Variants in WNK4 observed in about 807,000 individuals in gnomAD.
WNK4 encodes the protein serine/threonine-protein kinase WNK4.
WNK4 carries 94 observed loss-of-function variants against 116.2 expected under a neutral mutation model. The observed-to-expected ratio is 0.81, with a 90% CI of 0.68 to 0.96. WNK4 has a LOEUF of 0.96. Among genes scored for constraint, WNK4 ranks in the 40% least tolerant of loss-of-function variants. WNK4 has a pLI of 0.00. For missense variants in WNK4, 1,542 were observed against 1,650.6 expected (o/e 0.93, Z 1.14); for synonymous variants, 655 against 672.7 (o/e 0.97, Z 0.41).
chr17:42,788,306 G>T lies in WNK4; in HGVS notation c.1939G>T (p.Ala647Ser), dbSNP rs766917636. The T allele has an allele frequency of 2.5e-6, 4 of 1,614,166 alleles. No homozygotes were observed. The highest frequency in any genetic ancestry group is 3.4e-6 in the Non-Finnish European group (4 of 1,180,034). ...CTTTAACAGCTATGCCTCAGATGCA[G>T]CTTCAGGCCTTAGCGATGTGGGAGA... ...SPGDSYASDA[A>S]SGLSDVGEGM... The change falls in exon 10 of 19, where the codon GCT (alanine) becomes TCT (serine). Residue 647 changes from alanine to serine, a missense_variant. Ala to Ser is a moderately conservative substitution (Grantham distance 99). Coordinates refer to ENST00000246914, the MANE Select transcript of WNK4 (RefSeq NM_032387.5).
intron 6 of WNK4, among the ~76,000 whole-genome samples, chr17:42,786,266 C>T (rs1214435513): frequency 6.6e-6 from 1 of 152,198 alleles, no homozygotes; most frequent in East Asian, 1.9e-4. Flanking sequence ...ACCTCCTTTA[C>T]TCATTCAGCA....
At chr17:42,785,009 G>T in intron 4 of WNK4, 88 bp from the exon 5 acceptor site, 1 of 1,371,054 alleles carries the variant, frequency 7.3e-7, no homozygotes, top group Non-Finnish European at 1.0e-6. Flanking sequence ...AGCTGCCTAA[G>T]GAGGGAGTGG....
At position 42,781,193 on chromosome 17, in the gene WNK4, G is replaced by A. The variant is rs2143987369; in HGVS notation, c.495G>A (p.Val165=). The A allele has an allele frequency of 6.2e-7, 1 of 1,614,200 alleles. No homozygotes were observed. Residue 165 remains valine (V), a synonymous_variant, in exon 1 of 19, where the codon GTG becomes GTA. Transcript: ENST00000246914. ...AGGAGGACATGGAGACCCAGGCTGTGGCAACGTCCCCCGATGGCCGATACC... is the reference window on the plus strand; with the variant it reads ...AGGAGGACATGGAGACCCAGGCTGTAGCAACGTCCCCCGATGGCCGATACC... ...EEKEDMETQA[V]ATSPDGRYLK... is the part of the protein sequence containing the mutation.
In WNK4 at chr17:42,782,337, C is replaced by A. The variant is rs780260476; in HGVS notation, c.619-421C>A. On this transcript the variant is annotated intron_variant, in intron 1 of 18. Transcript: ENST00000246914. This position sits in a 1 kb window ranked among gnomAD's most constrained non-coding sequence, Gnocchi z 4.2. ...CGCCTTCCGTCTGGATCTAGCAGTTCTGTTTCTGGGGCCAACCCCCTTGCC... is the reference window on the plus strand; with the variant it reads ...CGCCTTCCGTCTGGATCTAGCAGTTATGTTTCTGGGGCCAACCCCCTTGCC... Among the ~76,000 whole-genome samples, 2 of 152,222 alleles carry A rather than the reference C, an allele frequency of 1.3e-5. No homozygotes were observed. Among genetic ancestry groups the A allele is most frequent in the Non-Finnish European group, 2.9e-5 (2 of 68,026 alleles).
chr17:42,787,852 G>C lies in WNK4; in HGVS notation c.1816G>C (p.Gly606Arg), dbSNP rs1280233440. The change falls in exon 8 of 19, where the codon GGG becomes CGG. Residue 606 changes from glycine (G) to arginine (R), a missense_variant. By Grantham distance (125) the Gly-to-Arg change is moderately radical (BLOSUM62 -2). Transcript: ENST00000246914. ...DASDPALQPP[G>R]GVPSSLAESH... ...CTCAGACCCTGCCCTTCAGCCCCCT[G>C]GGGGGGTGCCATCCAGCCTGGCTGA... 2 of 1,610,478 alleles carry C rather than the reference G, an allele frequency of 1.2e-6. No homozygotes were observed. The highest frequency in any genetic ancestry group is 2.2e-5 in the East Asian group (1 of 44,868).
intron 6 of WNK4, among the ~76,000 whole-genome samples, chr17:42,785,890 C>T (rs2054544620): frequency 6.6e-6 from 1 of 152,156 alleles, no homozygotes; most frequent in Admixed American, 6.5e-5. Context: ...AGCATGTTCT[C>T]GGTTACAGCA....
At chr17:42,786,459 C>T (rs1385829429) in intron 6 of WNK4, among the ~76,000 whole-genome samples, 1 of 152,178 alleles carries the variant, frequency 6.6e-6, no homozygotes, top group African/African-American at 2.4e-5. Flanking sequence ...GTGGCGCTAT[C>T]TCAGCTCATT....
Position 42,795,882 on chromosome 17 carries a change from C to A in WNK4, c.3280C>A (p.Pro1094Thr), listed in dbSNP as rs1438398279. 1.2e-6 allele frequency: 2 copies of A among 1,611,804 alleles called. No homozygotes were observed. Among genetic ancestry groups the A allele is most frequent in the Non-Finnish European group, 1.7e-6 (2 of 1,178,634 alleles). The change falls in exon 16 of 19, where the codon CCC becomes ACC. Residue 1094 changes from proline to threonine, a missense_variant. Pro to Thr is a conservative substitution (Grantham distance 38, BLOSUM62 -1). Around this residue, in one of 7 missense-constraint regions of WNK4, gnomAD observed 292 missense variants for 290.1 expected, o/e 1.01. Transcript: ENST00000246914. Reference sequence around the variant, plus strand: ...GGAGGAAGGAGATGATGGGAAGGAACCCCAAGTTGGGGGCAGCCCCCAACC... The same window carrying A: ...GGAGGAAGGAGATGATGGGAAGGAAACCCAAGTTGGGGGCAGCCCCCAACC... Reference protein sequence around the residue: ...VEEEGDDGKEPQVGGSPQPLS... With the variant: ...VEEEGDDGKETQVGGSPQPLS...
Position 42,795,712 on chromosome 17 carries a change from C to T in WNK4, c.3110C>T (p.Thr1037Ile). 1.9e-6 allele frequency: 3 copies of T among 1,613,502 alleles called. No individual in the cohort carries two copies. Among genetic ancestry groups the T allele is most frequent in the Non-Finnish European group, 2.5e-6 (3 of 1,180,040 alleles). Reference sequence around the variant, plus strand: ...CTTCCCTTGCAGCCAACATCCCCCACTCTCTCTGGTTCTCCAAAACCTTCA... The same window carrying T: ...CTTCCCTTGCAGCCAACATCCCCCATTCTCTCTGGTTCTCCAAAACCTTCA... Reference protein sequence around the residue: ...EPLPLQPTSPTLSGSPKPSTP... With the variant: ...EPLPLQPTSPILSGSPKPSTP... Residue 1037 changes from threonine to isoleucine, a missense_variant, in exon 16 of 19, where the codon ACT (threonine) becomes ATT (isoleucine). Thr to Ile is a moderately conservative substitution (Grantham distance 89). Transcript: ENST00000246914.
chr17:42,793,322 C>T (rs1032769914), intron 11 of WNK4, among the ~76,000 whole-genome samples: 4 of 152,060 alleles, frequency 2.6e-5, no homozygotes, highest in East Asian at 3.9e-4. Context: ...GTGATTCTCC[C>T]GTCTTAGCCT....
At position 42,795,145 on chromosome 17, in the gene WNK4, G is replaced by C. The variant is rs2290042; in HGVS notation, c.2724G>C (p.Pro908=). The C allele has an allele frequency of 6.2e-7, 1 of 1,613,272 alleles. No individual in the cohort carries two copies. The highest frequency in any genetic ancestry group is 8.5e-7 in the Non-Finnish European group (1 of 1,179,844). The change falls in exon 14 of 19, where the codon CCG becomes CCC. Residue 908 remains proline (P), a synonymous_variant. Coordinates refer to ENST00000246914, the MANE Select transcript of WNK4 (RefSeq NM_032387.5). ...CTCTTAGTTCCCCTTTCTTTCCTCC[G>C]TGCCCCTCCACTTCTTCCTTCCCCT... is the stretch of plus-strand genomic sequence containing the variant. ...QVTLSSPFFP[P]CPSTSSFPST...
chr17:42,784,103 G>T lies in WNK4; in HGVS notation c.958G>T (p.Gly320Trp). ...GGGACCTACTGGCTCTGTCAAAATC[G>T]GGGACCTGGGCCTGGCCACGCTCAA... ...ITGPTGSVKI[G>W]DLGLATLKRA... Residue 320 changes from glycine to tryptophan, a missense_variant, in exon 3 of 19, where the codon GGG (glycine) becomes TGG (tryptophan). Coordinates refer to ENST00000246914, the MANE Select transcript of WNK4 (RefSeq NM_032387.5). This position sits in a 1 kb window ranked among gnomAD's most constrained non-coding sequence, Gnocchi z 4.4. 2 of 1,611,332 alleles carry T rather than the reference G, an allele frequency of 1.2e-6. No individual in the cohort carries two copies. Among genetic ancestry groups the T allele is most frequent in the Non-Finnish European group, 8.5e-7 (1 of 1,180,018 alleles).
rs907423204 is a variant in WNK4, at chr17:42,788,872, G to A, written c.2157+75G>A. On this transcript the variant is annotated intron_variant, in intron 11 of 18. Coordinates refer to ENST00000246914, the MANE Select transcript of WNK4 (RefSeq NM_032387.5). ...CTCCTTCCTGATGTCCGCTGGGGCT[G>A]AAACCCACTGATCCGACAGCAAGCA... 11 of 1,185,368 alleles carry A rather than the reference G, an allele frequency of 9.3e-6. No homozygotes were observed. In the Admixed American group the frequency reaches 1.9e-4, roughly 20 times the overall value. 73.4% of individuals were successfully genotyped at this position (1,185,368 alleles called of 1,614,324 possible).
chr17:42,784,335 T>C lies in WNK4; in HGVS notation c.1013-87T>C. 6.4e-7 allele frequency: 1 copy of C among 1,574,400 alleles called. No individual in the cohort carries two copies. The highest frequency in any genetic ancestry group is 8.6e-7 in the Non-Finnish European group (1 of 1,157,660). On this transcript the variant is annotated intron_variant, in intron 3 of 18. Coordinates refer to ENST00000246914, the MANE Select transcript of WNK4 (RefSeq NM_032387.5). The surrounding 1 kb of genome is among the most constrained non-coding windows in gnomAD (Gnocchi z 4.4). ...CACTGTGGGCCGGGGTCACTTGCAC[T>C]CGCAGGGTTGCCTGGGGCTGCCTAG...
At chr17:42,789,283 TAA>T in intron 11 of WNK4, among the ~76,000 whole-genome samples, 1 of 152,150 alleles carries the variant, frequency 6.6e-6, no homozygotes, top group East Asian at 1.9e-4. Context: ...TCACTGGAAG[TAA>T]AGATTCCTAT....
Position 42,783,369 on chromosome 17 carries a change from C to T in WNK4, c.791+439C>T, listed in dbSNP as rs2054505866. Among the ~76,000 whole-genome samples, 3 of 152,292 alleles carry T rather than the reference C, an allele frequency of 2.0e-5. No homozygotes were observed. In the South Asian group the frequency reaches 6.2e-4, roughly 32 times the overall value. On this transcript the variant is annotated intron_variant, in intron 2 of 18. Coordinates refer to ENST00000246914, the MANE Select transcript of WNK4 (RefSeq NM_032387.5). ...GTTGAAAATCTGAACTGTCACTCCC[C>T]TCCTTAAAACCCCTTCAAAGTTTCT...
rs562672552 is a variant in WNK4 at position 42,796,348 on chromosome 17, A to G, written c.3631+26A>G. 4.3e-6 allele frequency: 7 copies of G among 1,609,874 alleles called. No individual in the cohort carries two copies. In the South Asian group the frequency reaches 5.5e-5, roughly 13 times the overall value. On this transcript the variant is annotated intron_variant, in intron 17 of 18. Transcript: ENST00000246914. ...GTGAGACTGCAGTCACCCAGCTTCC[A>G]TCTTTTCCCTGAGACCCCTTTCTGT...
chr17:42,785,688 C>G (rs538203873), intron 6 of WNK4, among the ~76,000 whole-genome samples: 1 of 152,328 alleles, frequency 6.6e-6, no homozygotes, highest in African/African-American at 2.4e-5. Context: ...AGAGGGAGCC[C>G]TGGGTCCTCC....
chr17:42,785,446 G>A lies in WNK4; in HGVS notation c.1440G>A (p.Leu480=), dbSNP rs549543952. ...AGGCCATCGAGTTCCTGTTCCAGCT[G>A]GGCCGGGACGCGGCCGAGGAGGTGG... The part of the protein sequence containing the change: ...DNQAIEFLFQ[L]GRDAAEEVAQ... Residue 480 remains leucine, a synonymous_variant, in exon 6 of 19, where the codon CTG becomes CTA. Transcript: ENST00000246914. The A allele has an allele frequency of 6.4e-7, 1 of 1,555,888 alleles. No individual in the cohort carries two copies.
Sources: gnomAD v4.1 joint callset for allele counts (sites outside exome capture counted in the v4.1 genomes callset) on GRCh38, gnomAD v4.1.1 for gene constraint, gnomAD v4.1.1 regional missense constraint, Gnocchi (gnomAD v3.1) non-coding constraint, MANE v1.5 for transcripts, NCBI Gene and HGNC (gene_info 2026-07-23, HGNC 2026-07-21) for gene names.